Variants in ASTN2 observed in about 807,000 individuals in gnomAD.
ASTN2 encodes astrotactin 2.
ASTN2 carries 54 observed loss-of-function variants against 139.8 expected under a neutral mutation model. The observed-to-expected ratio is 0.39, with a 90% CI of 0.31 to 0.48. ASTN2 has a LOEUF of 0.48. ASTN2 is among the 20% of genes least tolerant of loss of function. The pLI is 0.95. For synonymous variants in ASTN2, 756 were observed against 719.5 expected (o/e 1.05, Z -0.81); for missense variants, 1,565 against 1,725.1 (o/e 0.91, Z 1.64).
At chr9:117,140,724 A>G (rs1421163984) in intron 4 of ASTN2, among the ~76,000 whole-genome samples, 1 of 152,136 alleles carries the variant, frequency 6.6e-6, no homozygotes, top group Non-Finnish European at 1.5e-5. Context: ...AAGGAGCAGG[A>G]AGAAAATATC....
intron 19 of ASTN2, among the ~76,000 whole-genome samples, chr9:116,593,026 G>C (rs1298984501): frequency 1.3e-5 from 2 of 152,230 alleles, no homozygotes; most frequent in African/African-American, 4.8e-5. Context: ...GCTGGGACAA[G>C]GCAGATGTGG....
chr9:116,696,017 CTT>C (rs1351245616), intron 16 of ASTN2, among the ~76,000 whole-genome samples: 1 of 152,152 alleles, frequency 6.6e-6, no homozygotes, highest in Non-Finnish European at 1.5e-5. Flanking sequence ...TCAAATGAAT[CTT>C]TCCATTTCCA....
chr9:116,727,542 AGG>A (rs140926472), intron 15 of ASTN2, among the ~76,000 whole-genome samples: 107,069 of 151,746 alleles, frequency 0.71, 37,894 homozygotes, highest in East Asian at 0.84. Context: ...AAACAAAAAT[AGG>A]GGGCTCAAAG....
intron 19 of ASTN2, among the ~76,000 whole-genome samples, chr9:116,589,111 T>G (rs1426879579): frequency 6.6e-6 from 1 of 152,162 alleles, no homozygotes; most frequent in Non-Finnish European, 1.5e-5. Context: ...CATCAAACAT[T>G]TCCAGGGGGG....
chr9:116,549,132 C>G (rs1272932444), intron 19 of ASTN2, among the ~76,000 whole-genome samples: 1 of 151,628 alleles, frequency 6.6e-6, no homozygotes, highest in Non-Finnish European at 1.5e-5. Context: ...GGCTGGTGGC[C>G]TGGTCTAGAA....
chr9:116,882,992 C>A (rs759105649), intron 10 of ASTN2, among the ~76,000 whole-genome samples: 2 of 152,126 alleles, frequency 1.3e-5, no homozygotes, highest in Non-Finnish European at 2.9e-5. Context: ...CAAAATGTAT[C>A]AAAACTCGAA....
intron 17 of ASTN2, among the ~76,000 whole-genome samples, chr9:116,633,579 T>C (rs1343255650): frequency 6.6e-6 from 1 of 152,238 alleles, no homozygotes; most frequent in Non-Finnish European, 1.5e-5. Context: ...GTGAAGGATT[T>C]GTCCAAGACT....
At chr9:116,493,396 T>A (rs1326120143) in intron 19 of ASTN2, among the ~76,000 whole-genome samples, 1 of 152,190 alleles carries the variant, frequency 6.6e-6, no homozygotes, top group Non-Finnish European at 1.5e-5. Context: ...TGTACAGGAA[T>A]GTGCCTGTTC....
At chr9:116,997,248 A>G (rs1837052426) in intron 7 of ASTN2, among the ~76,000 whole-genome samples, 1 of 152,174 alleles carries the variant, frequency 6.6e-6, no homozygotes, top group Admixed American at 6.5e-5. Flanking sequence ...CTTGCTTTGC[A>G]GGCTCCCTGA....
intron 4 of ASTN2, among the ~76,000 whole-genome samples, chr9:117,112,047 G>GA (rs897127897): frequency 5.0e-4 from 76 of 151,784 alleles, no homozygotes; most frequent in African/African-American, 1.8e-3. Context: ...CAATAGTGTA[G>GA]AAAAAACTCT....
At chr9:116,906,180 C>T (rs1220801396) in intron 10 of ASTN2, among the ~76,000 whole-genome samples, 1 of 152,040 alleles carries the variant, frequency 6.6e-6, no homozygotes, top group African/African-American at 2.4e-5. Context: ...AGACAAGAAG[C>T]CCAAATTCAC....
intron 17 of ASTN2, among the ~76,000 whole-genome samples, chr9:116,620,819 C>A (rs1357428282): frequency 1.3e-5 from 2 of 152,190 alleles, no homozygotes; most frequent in African/African-American, 4.8e-5. Context: ...AATAACTTGA[C>A]TGAGGTTTAC....
intron 19 of ASTN2, among the ~76,000 whole-genome samples, chr9:116,601,655 G>A (rs1241054729): frequency 6.6e-6 from 1 of 152,150 alleles, no homozygotes. Flanking sequence ...AAAGATAACT[G>A]CTTTAAGAAA....
chr9:116,479,347 A>G (rs1355611780), intron 20 of ASTN2, among the ~76,000 whole-genome samples: 1 of 152,214 alleles, frequency 6.6e-6, no homozygotes, highest in African/African-American at 2.4e-5. Context: ...TTCATCTAAT[A>G]TATAATTATA....
chr9:117,325,501 C>T (rs754807598), intron 1 of ASTN2, among the ~76,000 whole-genome samples: 2 of 152,098 alleles, frequency 1.3e-5, no homozygotes, highest in African/African-American at 2.4e-5. Context: ...GCTTGAAACC[C>T]CCCTCTCCTC....
chr9:116,741,421 A>G (rs746233822), intron 13 of ASTN2, among the ~76,000 whole-genome samples: 1 of 152,158 alleles, frequency 6.6e-6, no homozygotes, highest in Non-Finnish European at 1.5e-5. Flanking sequence ...TAAGCCTCAA[A>G]AAAGGTTGCC....
chr9:116,688,853 A>G (rs778727373), intron 16 of ASTN2, among the ~76,000 whole-genome samples: 2 of 151,892 alleles, frequency 1.3e-5, no homozygotes, highest in African/African-American at 2.4e-5. Context: ...GCTCGGAGAC[A>G]GACAAAACAA....
At chr9:116,904,139 G>A (rs1157731882) in intron 10 of ASTN2, among the ~76,000 whole-genome samples, 1 of 152,190 alleles carries the variant, frequency 6.6e-6, no homozygotes, top group Non-Finnish European at 1.5e-5. Flanking sequence ...GCACATGGGT[G>A]AGGACAGGAG....
chr9:116,582,392 G>A (rs977997368), intron 19 of ASTN2: 1 of 152,146 alleles, frequency 6.6e-6, no homozygotes, highest in Non-Finnish European at 1.5e-5. Flanking sequence ...AAATAATGAT[G>A]GTCAAATTTA....
Sources: gnomAD v4.1 joint callset for allele counts (sites outside exome capture counted in the v4.1 genomes callset) on GRCh38, gnomAD v4.1.1 for gene constraint, MANE v1.5 for transcripts, NCBI Gene and HGNC (gene_info 2026-07-23, HGNC 2026-07-21) for gene names.